The following MYT1L variants were observed in gnomAD, a reference collection of about 807,000 sequenced individuals.
MYT1L encodes the protein myelin transcription factor 1-like protein.
In MYT1L, 12 loss-of-function variants were observed where a neutral mutation model predicts 126.7. The ratio of observed to expected loss-of-function variants is 0.09; its 90% CI spans 0.06 to 0.15. MYT1L has a LOEUF of 0.15. Among genes scored for constraint, MYT1L ranks in the 10% least tolerant of loss-of-function variants. The pLI is 1.00. For synonymous variants in MYT1L, 541 were observed against 604.2 expected, an observed-to-expected ratio of 0.90 and a Z score of 1.53; for missense variants, 979 against 1,585.2, an observed-to-expected ratio of 0.62 and a Z score of 6.49.
chr2:1,971,008 GAATT>G (rs2059772811), intron 8 of MYT1L, among the ~76,000 whole-genome samples: 2 of 152,020 alleles, frequency 1.3e-5, no homozygotes, highest in South Asian at 2.1e-4. Context: ...CCTTGAATTG[GAATT>G]ATTTAAAAAA....
At chr2:2,183,737 A>G (rs777099024) in intron 2 of MYT1L, among the ~76,000 whole-genome samples, 1 of 151,172 alleles carries the variant, frequency 6.6e-6, no homozygotes, top group African/African-American at 2.4e-5. Context: ...TATAACTAAA[A>G]GAAGGAAGGA....
At chr2:2,102,604 A>ATGTGTGTGTGTGTG (rs3047992) in intron 3 of MYT1L, among the ~76,000 whole-genome samples, 31 of 143,010 alleles carry the variant, frequency 2.2e-4, no homozygotes, top group African/African-American at 7.7e-4. Flanking sequence ...CCTCTTGGGA[A>ATGTGTGTGTGTGTG]TGTGTGTGTG....
At chr2:2,073,736 C>T (rs1175418539) in intron 3 of MYT1L, among the ~76,000 whole-genome samples, 1 of 152,186 alleles carries the variant, frequency 6.6e-6, no homozygotes, top group Non-Finnish European at 1.5e-5. Context: ...AGGCTCCCTT[C>T]ACCTTCATGT....
intron 4 of MYT1L, among the ~76,000 whole-genome samples, chr2:2,038,305 T>C (rs1356747247): frequency 6.6e-6 from 1 of 152,196 alleles, no homozygotes; most frequent in Non-Finnish European, 1.5e-5. Flanking sequence ...TATACAATTT[T>C]AAGTGTGTCT....
At chr2:2,002,370 T>C (rs2062479921) in intron 4 of MYT1L, among the ~76,000 whole-genome samples, 1 of 152,240 alleles carries the variant, frequency 6.6e-6, no homozygotes, top group African/African-American at 2.4e-5. Flanking sequence ...TTATCTATGA[T>C]ACCAGTTGTA....
intron 19 of MYT1L, among the ~76,000 whole-genome samples, chr2:1,849,392 T>C (rs2042924649): frequency 6.6e-6 from 1 of 152,224 alleles, no homozygotes; most frequent in African/African-American, 2.4e-5. Flanking sequence ...CTGGCAATCT[T>C]GTTGGACGGC....
At chr2:2,155,524 T>C (rs2086586137) in intron 3 of MYT1L, among the ~76,000 whole-genome samples, 1 of 152,226 alleles carries the variant, frequency 6.6e-6, no homozygotes, top group Non-Finnish European at 1.5e-5. Context: ...ATCCTTCGTT[T>C]ATTCATGAAG....
At position 2,269,811 on chromosome 2, in the gene MYT1L, T is replaced by G. The variant is rs570132291; in HGVS notation, c.-421+14593A>C. Reference sequence around the variant, plus strand: ...TCCAATCAAGAAGGCAGAATCACAGTGGGTCCATTTGCATAAATTCAATCC... The same window carrying G: ...TCCAATCAAGAAGGCAGAATCACAGGGGGTCCATTTGCATAAATTCAATCC... On this transcript the variant is annotated intron_variant, in intron 2 of 24. Transcript: ENST00000647738. 3.3e-5 allele frequency among the ~76,000 whole-genome samples: 5 copies of G among 152,332 alleles called. No homozygotes were observed. In the East Asian group the frequency reaches 5.8e-4, roughly 18 times the overall value.
chr2:2,228,038 C>G lies in MYT1L; in HGVS notation c.-420-55050G>C, dbSNP rs941270063. Among the ~76,000 whole-genome samples the G allele has an allele frequency of 6.6e-6, 1 of 152,110 alleles. No homozygotes were observed. Among genetic ancestry groups the G allele is most frequent in the Non-Finnish European group, 1.5e-5 (1 of 68,018 alleles). Reference sequence around the variant, plus strand: ...AGACATTAACTAAATTGCCCAATGTCAAGTAGCTCATAACGGCTAGTAAAT... The same window carrying G: ...AGACATTAACTAAATTGCCCAATGTGAAGTAGCTCATAACGGCTAGTAAAT... On this transcript the variant is annotated intron_variant, in intron 2 of 24. Transcript: ENST00000647738. This position sits in a 1 kb window ranked among gnomAD's most constrained non-coding sequence, Gnocchi z 5.9.
intron 4 of MYT1L, among the ~76,000 whole-genome samples, chr2:2,019,491 C>A (rs2064808624): frequency 6.6e-6 from 1 of 152,178 alleles, no homozygotes; most frequent in Admixed American, 6.5e-5. Flanking sequence ...GACAAGAGAA[C>A]AGATTTGGTA....
intron 2 of MYT1L, among the ~76,000 whole-genome samples, chr2:2,212,226 A>G (rs2093545089): frequency 8.1e-6 from 1 of 123,054 alleles, no homozygotes; most frequent in African/African-American, 3.3e-5. Context: ...AAATATGGGC[A>G]TTTAACTTTG....
Position 1,923,102 on chromosome 2 carries a change from A to G in MYT1L, c.667T>C (p.Ser223Pro). ...EDAAYRARTESEMNSNTSNSL... is the reference protein window; with the variant it reads ...EDAAYRARTEPEMNSNTSNSL... ...TTGGAGGTATTGCTGTTCATTTCTG[A>G]CTCAGTCCTGGCCCGGTAGGCTGCA... The change falls in exon 10 of 25, where the codon TCA (serine) becomes CCA (proline). Residue 223 changes from serine to proline, a missense_variant. Ser to Pro is a moderately conservative substitution (Grantham distance 74). Coordinates refer to ENST00000647738, the MANE Select transcript of MYT1L (RefSeq NM_001303052.2). 6.2e-7 allele frequency: 1 copy of G among 1,613,890 alleles called. No homozygotes were observed. The highest frequency in any genetic ancestry group is 8.5e-7 in the Non-Finnish European group (1 of 1,179,886).
Position 1,887,398 on chromosome 2 carries a change from G to A in MYT1L, c.2642+90C>T, listed in dbSNP as rs779147419. The A allele has an allele frequency of 3.1e-5, 47 of 1,540,148 alleles. No homozygotes were observed. Among genetic ancestry groups the A allele is most frequent in the South Asian group, 4.6e-5 (4 of 86,860 alleles). ...TGCTGCGAATGTCGCATGCTCAAAC[G>A]GCAAGGCATATACAGATCCAGTTTT... is the stretch of plus-strand genomic sequence containing the variant. On this transcript the variant is annotated intron_variant, in intron 17 of 24. Transcript: ENST00000647738. The surrounding 1 kb of genome is among the most constrained non-coding windows in gnomAD (Gnocchi z 4.8).
At chr2:2,231,267 C>T (rs1348041621) in intron 2 of MYT1L, among the ~76,000 whole-genome samples, 2 of 152,100 alleles carry the variant, frequency 1.3e-5, no homozygotes, top group South Asian at 2.1e-4. Context: ...TCTGCCCTAC[C>T]CATATTCACC....
chr2:1,909,451 C>T (rs769016299), intron 13 of MYT1L, among the ~76,000 whole-genome samples: 10 of 152,164 alleles, frequency 6.6e-5, no homozygotes, highest in South Asian at 4.2e-4. Flanking sequence ...GAGACAAGGA[C>T]GCGTGTTTCT....
At chr2:2,020,847 T>C (rs1224541426) in intron 4 of MYT1L, among the ~76,000 whole-genome samples, 1 of 152,188 alleles carries the variant, frequency 6.6e-6, no homozygotes, top group Non-Finnish European at 1.5e-5. Context: ...TGTAGATCTT[T>C]AATTAGCCAA....
chr2:1,819,600 C>A (rs571930698), intron 21 of MYT1L, among the ~76,000 whole-genome samples: 1 of 152,204 alleles, frequency 6.6e-6, no homozygotes, highest in Non-Finnish European at 1.5e-5. Flanking sequence ...ATGCTACACT[C>A]GGGCCCTGCC....
At chr2:2,314,494 G>T (rs908538618) in intron 1 of MYT1L, among the ~76,000 whole-genome samples, 6 of 152,174 alleles carry the variant, frequency 3.9e-5, no homozygotes, top group African/African-American at 7.2e-5. Context: ...ATGTTCACCA[G>T]TTCTAGTGGC....
intron 1 of MYT1L, among the ~76,000 whole-genome samples, chr2:2,297,372 A>T (rs971871951): frequency 6.6e-6 from 1 of 152,190 alleles, no homozygotes. Flanking sequence ...GGTGGATGGG[A>T]CACCTGCACA....
Sources: gnomAD v4.1 joint callset for allele counts (sites outside exome capture counted in the v4.1 genomes callset) on GRCh38, gnomAD v4.1.1 for gene constraint, Gnocchi (gnomAD v3.1) non-coding constraint, MANE v1.5 for transcripts, NCBI Gene and HGNC (gene_info 2026-07-23, HGNC 2026-07-21) for gene names.